TBC1D19: variants seen among roughly 807,000 people sequenced by gnomAD.
TBC1D19 encodes TBC1 domain family, member 19.
A neutral mutation model predicts 89.0 loss-of-function variants in TBC1D19; 60 were observed. The observed-to-expected ratio is 0.67, with a 90% CI of 0.55 to 0.84. The LOEUF is 0.84. Among genes scored for constraint, TBC1D19 ranks in the 40% least tolerant of loss-of-function variants. TBC1D19 has a pLI of 0.00. For missense variants in TBC1D19, 500 were observed against 610.8 expected (o/e 0.82, Z 1.91); for synonymous variants, 189 against 199.7 (o/e 0.95, Z 0.45).
At chr4:26,722,086 T>C (rs1717016341) in intron 15 of TBC1D19, among the ~76,000 whole-genome samples, 1 of 152,160 alleles carries the variant, frequency 6.6e-6, no homozygotes, top group African/African-American at 2.4e-5. Context: ...ATTGCAAGCT[T>C]CTTGTAGTTC....
At chr4:26,577,035 C>A (rs1458321937) in intron 1 of TBC1D19, among the ~76,000 whole-genome samples, 1 of 152,172 alleles carries the variant, frequency 6.6e-6, no homozygotes, top group Non-Finnish European at 1.5e-5. Flanking sequence ...CTCATCCAAT[C>A]AGTTGAGGGC....
chr4:26,710,408 C>T (rs564204524), intron 13 of TBC1D19, among the ~76,000 whole-genome samples: 1 of 152,182 alleles, frequency 6.6e-6, no homozygotes, highest in Non-Finnish European at 1.5e-5. Context: ...GTATGTGCCA[C>T]ATTTTCTTAA....
At chr4:26,607,671 A>T (rs2110001599) in intron 1 of TBC1D19, among the ~76,000 whole-genome samples, 1 of 152,276 alleles carries the variant, frequency 6.6e-6, no homozygotes, top group Non-Finnish European at 1.5e-5. Flanking sequence ...AAATTACACT[A>T]AGAAACAACA....
the TBC1D19 span, among the ~76,000 whole-genome samples, chr4:26,799,144 C>T: frequency 6.6e-6 from 1 of 151,980 alleles, no homozygotes; most frequent in Non-Finnish European, 1.5e-5. Context: ...TGGACCTTTC[C>T]AGCCTGGAGA....
chr4:26,692,330 C>T (rs929512254), intron 13 of TBC1D19, among the ~76,000 whole-genome samples: 8 of 152,190 alleles, frequency 5.3e-5, no homozygotes, highest in Non-Finnish European at 8.8e-5. Flanking sequence ...GGCCCAAAAG[C>T]TCTGACTCCA....
intron 4 of TBC1D19, among the ~76,000 whole-genome samples, chr4:26,629,887 G>GA (rs1742694130): frequency 6.6e-6 from 1 of 151,596 alleles, no homozygotes; most frequent in Non-Finnish European, 1.5e-5. Context: ...TACATGCATA[G>GA]AAAAATGAAA....
At chr4:26,856,129 C>T in the TBC1D19 span, among the ~76,000 whole-genome samples, 6 of 152,220 alleles carry the variant, frequency 3.9e-5, no homozygotes, top group Admixed American at 2.0e-4. Context: ...CCCCATCCCT[C>T]GCCCCATTCA....
Position 26,620,664 on chromosome 4 carries a change from T to C in TBC1D19, c.270T>C (p.Pro90=), listed in dbSNP as rs141307850. The C allele has an allele frequency of 1.2e-6, 2 of 1,613,752 alleles. No homozygotes were observed. Among genetic ancestry groups the C allele is most frequent in the South Asian group, 2.2e-5 (2 of 91,000 alleles). Residue 90 remains proline, a synonymous_variant, in exon 4 of 21, where the codon CCT becomes CCC. Transcript: ENST00000264866. ...CACCTCCTGAACATCTTAAAGAACCTTTGGTATACATGAGGAAAGCACAGG... is the reference window on the plus strand; with the variant it reads ...CACCTCCTGAACATCTTAAAGAACCCTTGGTATACATGAGGAAAGCACAGG... ...PAAPPEHLKE[P]LVYMRKAQGS...
the TBC1D19 span, among the ~76,000 whole-genome samples, chr4:26,855,321 CT>C: frequency 1.3e-5 from 2 of 152,132 alleles, no homozygotes; most frequent in African/African-American, 4.8e-5. Context: ...TTCGTGTATT[CT>C]TTTTTTCTAC....
At position 26,642,326 on chromosome 4, in the gene TBC1D19, A is replaced by C. The variant is rs189709968; in HGVS notation, c.480+2139A>C. Among the ~76,000 whole-genome samples, 44 of 152,374 alleles carry C rather than the reference A, an allele frequency of 2.9e-4. 1 individual carries two copies. The East Asian group carries it at 8.5e-3, about 29-fold the overall frequency. On this transcript the variant is annotated intron_variant, in intron 7 of 20. Transcript: ENST00000264866. The stretch of plus-strand genomic sequence containing the variant: ...AACCCAGAATTTCATATCCAGCCAA[A>C]CTAAGCTTCGTAAGTGAAGGAGAAA...
rs771423756 is a variant in TBC1D19, at chr4:26,673,882, A to G, written c.810A>G (p.Gln270=). The change falls in exon 11 of 21, where the codon CAA becomes CAG. Residue 270 remains glutamine, a synonymous_variant. Transcript: ENST00000264866. The part of the protein sequence containing the change: ...LWALILNISS[Q]PEDVLYYEQL... ...CTCTCATTTTGAATATTTCCAGCCAACCTGAGGTAAGAAGAAAAAAAGGGT... is the reference window on the plus strand; with the variant it reads ...CTCTCATTTTGAATATTTCCAGCCAGCCTGAGGTAAGAAGAAAAAAAGGGT... 2.5e-6 allele frequency: 4 copies of G among 1,586,094 alleles called. No homozygotes were observed. Among genetic ancestry groups the G allele is most frequent in the Non-Finnish European group, 3.4e-6 (4 of 1,163,152 alleles).
the TBC1D19 span, among the ~76,000 whole-genome samples, chr4:26,823,430 T>C: frequency 6.6e-6 from 1 of 152,136 alleles, no homozygotes; most frequent in Non-Finnish European, 1.5e-5. Flanking sequence ...TTTGGGTTAA[T>C]GAGAGAGGTG....
chr4:26,824,258 C>A, the TBC1D19 span, among the ~76,000 whole-genome samples: 3 of 152,160 alleles, frequency 2.0e-5, no homozygotes, highest in South Asian at 2.1e-4. Flanking sequence ...AGCAACAGTG[C>A]GTGAGGCCTG....
intron 1 of TBC1D19, among the ~76,000 whole-genome samples, chr4:26,608,146 A>G (rs1355549636): frequency 3.9e-5 from 6 of 152,242 alleles, no homozygotes; most frequent in Non-Finnish European, 7.3e-5. Context: ...ATCTCAAAAT[A>G]AAAATTTCCA....
intron 1 of TBC1D19, among the ~76,000 whole-genome samples, chr4:26,609,693 G>T (rs1034511304): frequency 6.6e-6 from 1 of 152,120 alleles, no homozygotes; most frequent in African/African-American, 2.4e-5. Context: ...AGTATGCCCT[G>T]TTAAAAAATG....
intron 11 of TBC1D19, among the ~76,000 whole-genome samples, chr4:26,681,104 C>G (rs1713298898): frequency 6.6e-6 from 1 of 152,040 alleles, no homozygotes; most frequent in South Asian, 2.1e-4. Flanking sequence ...CAAATTAATA[C>G]AAAAATGAGA....
chr4:26,659,650 C>T lies in TBC1D19; in HGVS notation c.534C>T (p.Phe178=), dbSNP rs374496510. 4.6e-5 allele frequency: 74 copies of T among 1,595,164 alleles called. No individual in the cohort carries two copies. Among genetic ancestry groups the T allele is most frequent in the Non-Finnish European group, 6.0e-5 (70 of 1,166,922 alleles). Residue 178 remains phenylalanine, a synonymous_variant, in exon 8 of 21, where the codon TTC becomes TTT. Coordinates refer to ENST00000264866, the MANE Select transcript of TBC1D19 (RefSeq NM_018317.4). ...PNYENGDSLS[F]RTHLGLIQVP... is the part of the protein sequence containing the mutation. ...ATGAAAACGGTGATTCTCTTAGTTT[C>T]AGGACTCATTTGGGTTTAATTCAAG...
intron 18 of TBC1D19, among the ~76,000 whole-genome samples, chr4:26,747,323 A>G (rs1718706238): frequency 6.6e-6 from 1 of 152,170 alleles, no homozygotes; most frequent in Non-Finnish European, 1.5e-5. Flanking sequence ...TGTATTTTGT[A>G]AGTTATTAAA....
Position 26,734,166 on chromosome 4 carries a change from A to G in TBC1D19, c.1085-1289A>G, listed in dbSNP as rs751554721. ...TCAGGGAGCCAGAGTTTGGCTCACTATGAGAAAATAGCTCCTTCCAAATTA... is the reference window on the plus strand; with the variant it reads ...TCAGGGAGCCAGAGTTTGGCTCACTGTGAGAAAATAGCTCCTTCCAAATTA... On this transcript the variant is annotated intron_variant, in intron 15 of 20. Coordinates refer to ENST00000264866, the MANE Select transcript of TBC1D19 (RefSeq NM_018317.4). 4.6e-5 allele frequency among the ~76,000 whole-genome samples: 7 copies of G among 152,220 alleles called. No homozygotes were observed. The East Asian group carries it at 7.7e-4, about 17-fold the overall frequency.
Sources: allele counts gnomAD v4.1 joint callset (sites outside exome capture counted in the v4.1 genomes callset), GRCh38; gene constraint gnomAD v4.1.1; transcripts MANE v1.5; gene names NCBI Gene and HGNC (gene_info 2026-07-23, HGNC 2026-07-21).